Variants in MAGI2 observed in about 807,000 individuals in gnomAD.
The protein encoded by MAGI2 is membrane associated guanylate kinase, WW and PDZ domain containing 2.
MAGI2 carries 35 observed loss-of-function variants against 133.3 expected under a neutral mutation model. That is an observed-to-expected ratio of 0.26 (90% CI 0.20 to 0.35). MAGI2 has a LOEUF of 0.35. Ranked by LOEUF, MAGI2 falls within the 10% of genes least tolerant of loss-of-function variation. The pLI is 1.00. For synonymous variants in MAGI2, 729 were observed against 710.6 expected (o/e 1.03, Z -0.41); for missense variants, 1,636 against 1,863.4 (o/e 0.88, Z 2.25).
intron 10 of MAGI2, chr7:78,254,221 T>C (rs1792730764): frequency 6.6e-6 from 1 of 152,202 alleles, no homozygotes; most frequent in Non-Finnish European, 1.5e-5. Context: ...TACCATAATG[T>C]AAATTAGGGA....
intron 21 of MAGI2, among the ~76,000 whole-genome samples, chr7:78,066,575 C>G (rs1383390751): frequency 2.0e-5 from 3 of 152,074 alleles, no homozygotes; most frequent in Non-Finnish European, 4.4e-5. Flanking sequence ...ACTGTACTCA[C>G]CTGCTGTGGG....
chr7:78,837,293 G>A (rs1199884630), intron 2 of MAGI2, among the ~76,000 whole-genome samples: 7 of 152,094 alleles, frequency 4.6e-5, no homozygotes, highest in East Asian at 1.9e-4. Flanking sequence ...CAAAGAAGTC[G>A]TCTTTAAGCC....
chr7:79,370,231 G>A lies in MAGI2; in HGVS notation c.301+82789C>T, dbSNP rs1224801610. Among the ~76,000 whole-genome samples the A allele has an allele frequency of 2.0e-5, 3 of 152,078 alleles. No homozygotes were observed. In the East Asian group the frequency reaches 5.8e-4, roughly 29 times the overall value. On this transcript the variant is annotated intron_variant, in intron 1 of 21. Transcript: ENST00000354212. ...TGAAAATATATACAAAATATAGATG[G>A]TTATTAAATATTTTTACCACTAGCA...
intron 3 of MAGI2, among the ~76,000 whole-genome samples, chr7:78,592,338 CTAT>C (rs1034308362): frequency 1.9e-5 from 2 of 106,078 alleles, no homozygotes; most frequent in Admixed American, 9.3e-5. Context: ...AAATAGTAGA[CTAT>C]TTTTTTTTTT....
intron 2 of MAGI2, among the ~76,000 whole-genome samples, chr7:78,982,474 T>C (rs778722968): frequency 2.4e-4 from 37 of 152,064 alleles, no homozygotes; most frequent in Admixed American, 7.2e-4. Flanking sequence ...TCATCAATAT[T>C]CAAAACCAAT....
chr7:78,950,972 T>A (rs1273075701), intron 2 of MAGI2, among the ~76,000 whole-genome samples: 3 of 147,680 alleles, frequency 2.0e-5, no homozygotes, highest in African/African-American at 5.0e-5. Flanking sequence ...ACGTTAGCTT[T>A]TTTTTTTTTT....
chr7:79,363,784 T>C (rs937851878), intron 1 of MAGI2, among the ~76,000 whole-genome samples: 11 of 150,772 alleles, frequency 7.3e-5, no homozygotes, highest in Admixed American at 5.3e-4. Context: ...AACCTATGGA[T>C]TGGGAGAAAA....
At chr7:78,221,013 T>G (rs1039546528) in intron 10 of MAGI2, among the ~76,000 whole-genome samples, 4 of 152,218 alleles carry the variant, frequency 2.6e-5, no homozygotes, top group Admixed American at 2.0e-4. Flanking sequence ...GTACCTGTAC[T>G]GAGCACACAC....
intron 1 of MAGI2, among the ~76,000 whole-genome samples, chr7:79,222,585 C>T (rs1219112764): frequency 1.3e-5 from 2 of 151,990 alleles, no homozygotes; most frequent in Non-Finnish European, 2.9e-5. Context: ...ACAACTCTAA[C>T]GATTAAGTCC....
chr7:78,730,200 C>T (rs1821233464), intron 2 of MAGI2, among the ~76,000 whole-genome samples: 1 of 152,108 alleles, frequency 6.6e-6, no homozygotes, highest in South Asian at 2.1e-4. Context: ...GCAGTCAAAA[C>T]AATTTTTAAG....
At chr7:78,329,084 A>G (rs970432765) in intron 9 of MAGI2, among the ~76,000 whole-genome samples, 1 of 152,208 alleles carries the variant, frequency 6.6e-6, no homozygotes, top group African/African-American at 2.4e-5. Flanking sequence ...TTTTCCAGCA[A>G]AGTAGTAAGT....
At chr7:78,116,007 G>T (rs1364922326) in intron 20 of MAGI2, among the ~76,000 whole-genome samples, 2 of 152,102 alleles carry the variant, frequency 1.3e-5, no homozygotes, top group South Asian at 2.1e-4. Context: ...CTCAACAATT[G>T]CAGAATGCAC....
At chr7:78,239,636 G>C (rs1790921344) in intron 10 of MAGI2, among the ~76,000 whole-genome samples, 1 of 152,138 alleles carries the variant, frequency 6.6e-6, no homozygotes, top group African/African-American at 2.4e-5. Context: ...TATACAAATG[G>C]CCAACAAGTA....
intron 2 of MAGI2, among the ~76,000 whole-genome samples, chr7:78,793,358 G>T (rs146779054): frequency 9.9e-5 from 15 of 152,220 alleles, no homozygotes; most frequent in Admixed American, 3.9e-4. Flanking sequence ...TACAACTTCC[G>T]CAGGGGTTGC....
At chr7:78,748,891 A>G (rs1823188153) in intron 2 of MAGI2, among the ~76,000 whole-genome samples, 1 of 152,184 alleles carries the variant, frequency 6.6e-6, no homozygotes, top group South Asian at 2.1e-4. Flanking sequence ...TTGTTCATAT[A>G]TTTCTTTAGA....
intron 6 of MAGI2, among the ~76,000 whole-genome samples, chr7:78,439,433 G>A (rs186086801): frequency 6.6e-5 from 10 of 152,212 alleles, no homozygotes; most frequent in East Asian, 5.8e-4. Context: ...TAAGATAAAC[G>A]TGACAAAATA....
At chr7:78,209,461 C>T (rs957207759) in intron 10 of MAGI2, among the ~76,000 whole-genome samples, 24 of 151,624 alleles carry the variant, frequency 1.6e-4, no homozygotes, top group African/African-American at 5.6e-4. Flanking sequence ...GGGGGTTTCA[C>T]CATGTTGGCC....
At chr7:79,300,975 T>C (rs1837353591) in intron 1 of MAGI2, among the ~76,000 whole-genome samples, 2 of 152,220 alleles carry the variant, frequency 1.3e-5, no homozygotes, top group Non-Finnish European at 2.9e-5. Flanking sequence ...GTGGCTTCCA[T>C]ATGGTGTCAA....
chr7:79,271,186 C>G (rs1834845526), intron 1 of MAGI2, among the ~76,000 whole-genome samples: 2 of 152,126 alleles, frequency 1.3e-5, no homozygotes, highest in African/African-American at 4.8e-5. Context: ...TCCATCTTCT[C>G]TGAACTCCGG....
Sources: gnomAD v4.1 joint callset for allele counts (sites outside exome capture counted in the v4.1 genomes callset) on GRCh38, gnomAD v4.1.1 for gene constraint, MANE v1.5 for transcripts, NCBI Gene and HGNC (gene_info 2026-07-23, HGNC 2026-07-21) for gene names.